TSPAN18: variants seen among roughly 807,000 people sequenced by gnomAD.
TSPAN18 encodes the protein tetraspanin-18.
TSPAN18 carries 14 observed loss-of-function variants against 27.3 expected under a neutral mutation model. The observed-to-expected ratio is 0.51, with a 90% CI of 0.34 to 0.80. The LOEUF is 0.80. TSPAN18 is among the 30% of genes least tolerant of loss of function. The pLI is 0.01. For synonymous variants in TSPAN18, 143 were observed against 136.5 expected, an observed-to-expected ratio of 1.05 and a Z score of -0.33; for missense variants, 268 against 323.9, an observed-to-expected ratio of 0.83 and a Z score of 1.32.
At chr11:44,894,137 C>T (rs1002096671) in intron 3 of TSPAN18, among the ~76,000 whole-genome samples, 1 of 152,220 alleles carries the variant, frequency 6.6e-6, no homozygotes, top group Non-Finnish European at 1.5e-5. Context: ...GTCCTTTCAC[C>T]CTCATCATCC....
intron 8 of TSPAN18, among the ~76,000 whole-genome samples, chr11:44,926,108 A>G (rs982307977): frequency 6.6e-6 from 1 of 152,194 alleles, no homozygotes; most frequent in Non-Finnish European, 1.5e-5. Context: ...GTGGCATGCG[A>G]GCAGGGATTT....
At chr11:44,762,686 G>C (rs958152624) in intron 1 of TSPAN18, among the ~76,000 whole-genome samples, 3 of 152,086 alleles carry the variant, frequency 2.0e-5, no homozygotes, top group African/African-American at 7.2e-5. Context: ...TCCTCTGATT[G>C]TAGCCTTAGT....
At chr11:44,895,360 C>G (rs1279908539) in intron 3 of TSPAN18, among the ~76,000 whole-genome samples, 1 of 152,190 alleles carries the variant, frequency 6.6e-6, no homozygotes, top group Non-Finnish European at 1.5e-5. Flanking sequence ...CCTTTGGCTT[C>G]CAAATTCATC....
intron 3 of TSPAN18, among the ~76,000 whole-genome samples, chr11:44,885,288 C>A (rs1304685607): frequency 6.6e-6 from 1 of 152,178 alleles, no homozygotes; most frequent in African/African-American, 2.4e-5. Flanking sequence ...GGATTTCTGT[C>A]CCCATTCCAC....
rs1247906654 is a variant in TSPAN18, at chr11:44,727,054, GC to G, written c.-469del. On this transcript the variant is annotated 5_prime_UTR_variant, in exon 1 of 10. Transcript: ENST00000520358. ...GCCGCGCGAGGCCGCCCGAGCCCCA[GC>G]CCCGGCCCCGGCCCCAGCCCCGGCC... 1.1e-4 allele frequency: 15 copies of G among 134,212 alleles called. No individual in the cohort carries two copies. In the South Asian group the frequency reaches 2.4e-3, roughly 22 times the overall value. 8.3% of individuals were successfully genotyped at this position (134,212 alleles called of 1,614,324 possible).
At chr11:44,746,048 G>T (rs527820458) in intron 1 of TSPAN18, among the ~76,000 whole-genome samples, 92 of 152,250 alleles carry the variant, frequency 6.0e-4, no homozygotes, top group African/African-American at 2.0e-3. Context: ...ACAAAAAACA[G>T]CAAAGCTGAT....
At chr11:44,888,032 G>A (rs986178542) in intron 3 of TSPAN18, among the ~76,000 whole-genome samples, 4 of 152,160 alleles carry the variant, frequency 2.6e-5, no homozygotes, top group African/African-American at 9.7e-5. Context: ...AGGAGGTGAG[G>A]CAGCTCCTGC....
At chr11:44,886,683 T>G (rs1387775037) in intron 3 of TSPAN18, 3 of 152,174 alleles carry the variant, frequency 2.0e-5, no homozygotes, top group African/African-American at 4.8e-5. Flanking sequence ...GGAATAAGGT[T>G]GTGGGGGTTG....
chr11:44,820,581 C>T (rs1424487430), intron 2 of TSPAN18, among the ~76,000 whole-genome samples: 7 of 152,138 alleles, frequency 4.6e-5, no homozygotes, highest in Non-Finnish European at 1.0e-4. Context: ...ACTTCCTAAG[C>T]CTTGGGATCC....
chr11:44,862,299 A>G (rs992327671), intron 3 of TSPAN18, among the ~76,000 whole-genome samples: 1 of 152,194 alleles, frequency 6.6e-6, no homozygotes, highest in Non-Finnish European at 1.5e-5. Context: ...TTGAGCAAAT[A>G]TTCCTCTGCA....
chr11:44,920,021 C>T (rs1424334577), intron 8 of TSPAN18, 22 bp downstream of exon 8: 1 of 1,605,804 alleles, frequency 6.2e-7, no homozygotes, highest in Non-Finnish European at 8.5e-7. Flanking sequence ...GCTCTCCAGA[C>T]AGGGGAGTGG....
intron 2 of TSPAN18, among the ~76,000 whole-genome samples, chr11:44,773,298 C>A (rs1369892813): frequency 6.6e-6 from 1 of 151,960 alleles, no homozygotes; most frequent in Non-Finnish European, 1.5e-5. Context: ...TGCCTGTAAT[C>A]CCAGCTACTA....
chr11:44,793,084 C>A (rs899445939), intron 2 of TSPAN18, among the ~76,000 whole-genome samples: 1 of 152,144 alleles, frequency 6.6e-6, no homozygotes, highest in Admixed American at 6.5e-5. Context: ...CCAAGCCCTG[C>A]GGGGTCTAGG....
intron 2 of TSPAN18, among the ~76,000 whole-genome samples, chr11:44,774,543 C>T (rs1855760887): frequency 6.6e-6 from 1 of 152,242 alleles, no homozygotes; most frequent in South Asian, 2.1e-4. Flanking sequence ...CTCCTTCTGC[C>T]TGGAGGTCCC....
rs2135390680 is a variant in TSPAN18 at position 44,929,507 on chromosome 11, C to T, written c.*329C>T. The T allele has an allele frequency of 3.0e-6, 1 of 334,744 alleles. No homozygotes were observed. The highest frequency in any genetic ancestry group is 5.3e-5 in the East Asian group (1 of 18,952). The allele number at this position is 334,744 out of a possible 1,614,324, so 20.7% of individuals were successfully genotyped here. On this transcript the variant is annotated 3_prime_UTR_variant, in exon 10 of 10. Coordinates refer to ENST00000520358, the MANE Select transcript of TSPAN18 (RefSeq NM_130783.5). ...TCTTTGGTCCAGCCAGACCCTGGGC[C>T]CTCTCTCCTCACTGCACCAGGACCT...
At chr11:44,915,859 A>C (rs973072516) in intron 5 of TSPAN18, among the ~76,000 whole-genome samples, 8 of 152,222 alleles carry the variant, frequency 5.3e-5, no homozygotes, top group African/African-American at 1.7e-4. Flanking sequence ...CCGTGAGAAC[A>C]GCGTCCGGTG....
intron 8 of TSPAN18, among the ~76,000 whole-genome samples, chr11:44,921,886 C>T (rs1326698695): frequency 6.6e-6 from 1 of 152,198 alleles, no homozygotes; most frequent in Non-Finnish European, 1.5e-5. Flanking sequence ...CTCCTTTCCT[C>T]TCCTGGGCAT....
At chr11:44,816,520 G>A (rs149607684) in intron 2 of TSPAN18, among the ~76,000 whole-genome samples, 9 of 151,236 alleles carry the variant, frequency 6.0e-5, no homozygotes, top group East Asian at 4.0e-4. Context: ...CTCATAACCC[G>A]TGCAGTCCTC....
intron 8 of TSPAN18, among the ~76,000 whole-genome samples, chr11:44,924,097 TTGTGTGTG>T (rs57394106): frequency 4.1e-5 from 6 of 145,772 alleles, no homozygotes; most frequent in Non-Finnish European, 7.5e-5. Context: ...CCTTCTGGGG[TTGTGTGTG>T]TGTGTGTGTG....
Sources: gnomAD v4.1 joint callset for allele counts (sites outside exome capture counted in the v4.1 genomes callset) on GRCh38, gnomAD v4.1.1 for gene constraint, MANE v1.5 for transcripts, NCBI Gene and HGNC (gene_info 2026-07-23, HGNC 2026-07-21) for gene names.